The following DEPTOR variants were observed in gnomAD, a reference collection of about 807,000 sequenced individuals.
DEPTOR encodes DEP domain-containing mTOR-interacting protein.
In DEPTOR, 41 loss-of-function variants were observed where a neutral mutation model predicts 41.6. The observed-to-expected ratio is 0.98, with a 90% confidence interval of 0.77 to 1.28. DEPTOR has a LOEUF of 1.28. DEPTOR is among the 50% of genes most tolerant of loss of function. The pLI, the probability that DEPTOR is intolerant of heterozygous loss-of-function variation, is 0.00. For synonymous variants in DEPTOR, 195 were observed against 192.3 expected, an observed-to-expected ratio of 1.01 and a Z score of -0.12; for missense variants, 514 against 527.9, an observed-to-expected ratio of 0.97 and a Z score of 0.26.
intron 8 of DEPTOR, among the ~76,000 whole-genome samples, chr8:120,029,432 G>C (rs1354001898): frequency 6.6e-6 from 1 of 152,074 alleles, no homozygotes; most frequent in Non-Finnish European, 1.5e-5. Flanking sequence ...GTCTCACTCT[G>C]TCACCCAGGC....
intron 1 of DEPTOR, among the ~76,000 whole-genome samples, chr8:119,880,285 C>G (rs558128054): frequency 5.0e-4 from 76 of 152,278 alleles, no homozygotes; most frequent in African/African-American, 1.7e-3. Flanking sequence ...GGTAAGGACT[C>G]TTCTAAGCAC....
chr8:119,914,553 C>A (rs1168294228), intron 1 of DEPTOR, among the ~76,000 whole-genome samples: 2 of 152,204 alleles, frequency 1.3e-5, no homozygotes, highest in Admixed American at 1.3e-4. Context: ...GATTCTCCTG[C>A]CTCAGCCTCC....
chr8:119,902,963 C>A (rs1383440365), intron 1 of DEPTOR, among the ~76,000 whole-genome samples: 3 of 152,136 alleles, frequency 2.0e-5, no homozygotes, highest in African/African-American at 7.2e-5. Flanking sequence ...GGAGACAAGA[C>A]AAGTGAAATG....
chr8:119,907,136 C>CTGTT (rs2129771678), intron 1 of DEPTOR, among the ~76,000 whole-genome samples: 1 of 152,226 alleles, frequency 6.6e-6, no homozygotes, highest in African/African-American at 2.4e-5. Flanking sequence ...AGCAACAAAA[C>CTGTT]TGTTTTTTTC....
intron 7 of DEPTOR, 70 bp from the exon 8 acceptor site, chr8:120,008,959 T>C: frequency 6.8e-7 from 1 of 1,472,866 alleles, no homozygotes; most frequent in East Asian, 2.3e-5. Context: ...GCTGGTTTTC[T>C]CTCCCTCAGA....
chr8:120,012,756 C>T (rs910443506), intron 8 of DEPTOR, among the ~76,000 whole-genome samples: 4 of 152,002 alleles, frequency 2.6e-5, no homozygotes, highest in Non-Finnish European at 5.9e-5. Context: ...AAGATAGTTT[C>T]GATTTCTTGA....
intron 3 of DEPTOR, among the ~76,000 whole-genome samples, chr8:119,955,388 G>A (rs573144244): frequency 2.6e-5 from 4 of 151,706 alleles, no homozygotes; most frequent in Non-Finnish European, 2.9e-5. Context: ...TGCTACTTAC[G>A]TTTTCTTTCA....
At chr8:120,041,913 T>C (rs1420336208) in intron 8 of DEPTOR, among the ~76,000 whole-genome samples, 4 of 152,136 alleles carry the variant, frequency 2.6e-5, no homozygotes, top group Non-Finnish European at 5.9e-5. Flanking sequence ...TGTGAAAGTT[T>C]TGTTCTTCCT....
intron 1 of DEPTOR, among the ~76,000 whole-genome samples, chr8:119,915,175 C>T (rs918679099): frequency 6.6e-6 from 1 of 152,094 alleles, no homozygotes; most frequent in African/African-American, 2.4e-5. Context: ...CCATGTTGGC[C>T]AGGATGGTCT....
chr8:120,028,077 C>A (rs1286135554), intron 8 of DEPTOR, among the ~76,000 whole-genome samples: 1 of 152,162 alleles, frequency 6.6e-6, no homozygotes, highest in Non-Finnish European at 1.5e-5. Flanking sequence ...GATTTTCATG[C>A]CTCAAATTCA....
intron 4 of DEPTOR, among the ~76,000 whole-genome samples, chr8:119,991,036 TTC>T (rs71304932): frequency 0.55 from 49,966 of 90,934 alleles, 11,020 homozygotes; most frequent in Admixed American, 0.64. Context: ...TTTCTTTTCT[TTC>T]TTTCTTTCTT....
At chr8:119,893,511 G>A (rs1412773072) in intron 1 of DEPTOR, among the ~76,000 whole-genome samples, 1 of 152,154 alleles carries the variant, frequency 6.6e-6, no homozygotes. Context: ...AGTGCATGAA[G>A]TTGGTGGATG....
intron 7 of DEPTOR, among the ~76,000 whole-genome samples, chr8:120,007,446 G>A (rs1018267994): frequency 2.0e-5 from 3 of 151,970 alleles, no homozygotes; most frequent in Non-Finnish European, 4.4e-5. Context: ...GCTGTGAGCA[G>A]CTCCGGACCA....
intron 3 of DEPTOR, among the ~76,000 whole-genome samples, chr8:119,942,497 C>T (rs1387937721): frequency 1.3e-5 from 2 of 152,148 alleles, no homozygotes; most frequent in South Asian, 2.1e-4. Context: ...TGAGCCACCG[C>T]GTCCGGCCGT....
At chr8:119,986,806 T>G (rs1828835962) in intron 4 of DEPTOR, among the ~76,000 whole-genome samples, 2 of 151,808 alleles carry the variant, frequency 1.3e-5, no homozygotes, top group African/African-American at 4.8e-5. Context: ...TCCTTTCTTC[T>G]GCTTGATCGA....
intron 1 of DEPTOR, among the ~76,000 whole-genome samples, chr8:119,881,776 C>A (rs1827300381): frequency 1.3e-5 from 2 of 152,146 alleles, no homozygotes; most frequent in Non-Finnish European, 2.9e-5. Flanking sequence ...CAGTAAATTA[C>A]TGCCTATACA....
At chr8:120,028,527 C>T (rs889190421) in intron 8 of DEPTOR, among the ~76,000 whole-genome samples, 7 of 145,472 alleles carry the variant, frequency 4.8e-5, no homozygotes, top group African/African-American at 1.3e-4. Flanking sequence ...GGCACGATCT[C>T]GGCTCACTGC....
At chr8:119,915,537 T>C (rs566919595) in intron 1 of DEPTOR, among the ~76,000 whole-genome samples, 1 of 152,256 alleles carries the variant, frequency 6.6e-6, no homozygotes, top group East Asian at 1.9e-4. Flanking sequence ...GCAACTTCTG[T>C]TTCCACAGTG....
chr8:119,934,890 CTTG>C (rs1828089284), intron 3 of DEPTOR, among the ~76,000 whole-genome samples: 1 of 152,076 alleles, frequency 6.6e-6, no homozygotes, highest in Admixed American at 6.6e-5. Context: ...ACCTCATAGA[CTTG>C]TTGTGGGAGT....
Sources: allele counts gnomAD v4.1 joint callset (sites outside exome capture counted in the v4.1 genomes callset), GRCh38; gene constraint gnomAD v4.1.1; transcripts MANE v1.5; gene names NCBI Gene and HGNC (gene_info 2026-07-23, HGNC 2026-07-21).